Variants in STAU1 observed in about 807,000 individuals in gnomAD.
STAU1 encodes the protein staufen double-stranded RNA binding protein 1, also known as double-stranded RNA-binding protein Staufen homolog 1.
Under a neutral mutation model 62.9 loss-of-function variants are expected in STAU1, and 13 were observed. The observed-to-expected ratio is 0.21, with a 90% confidence interval of 0.13 to 0.33. The LOEUF is 0.33. STAU1 is among the 10% of genes least tolerant of loss of function. The probability of loss-of-function intolerance (pLI) is 1.00; values close to 1 mark genes in which losing one functional copy is unlikely to be tolerated. For missense variants in STAU1, 571 were observed against 712.1 expected, an observed-to-expected ratio of 0.80 and a Z score of 2.25; for synonymous variants, 269 against 265.1, an observed-to-expected ratio of 1.01 and a Z score of -0.14.
chr20:49,203,557 G>C, the STAU1 span, among the ~76,000 whole-genome samples: 2 of 152,264 alleles, frequency 1.3e-5, no homozygotes, highest in Admixed American at 1.3e-4. Context: ...GTGACGATTC[G>C]AGAGGAAAGC....
the STAU1 span, among the ~76,000 whole-genome samples, chr20:49,211,921 C>G: frequency 1.1e-4 from 17 of 152,362 alleles, 1 homozygote; most frequent in South Asian, 8.3e-4. Context: ...TCCACACCAG[C>G]TAACCATTTT....
chr20:49,123,624 C>T (rs996716673), intron 7 of STAU1, among the ~76,000 whole-genome samples: 10 of 152,116 alleles, frequency 6.6e-5, no homozygotes, highest in African/African-American at 2.4e-4. Flanking sequence ...ATCCAGGAAC[C>T]ACTTTTTTAA....
At chr20:49,174,885 G>A (rs535092197) in intron 1 of STAU1, among the ~76,000 whole-genome samples, 253 of 145,878 alleles carry the variant, frequency 1.7e-3, no homozygotes, top group African/African-American at 6.3e-3. Context: ...AGTGAGCAGA[G>A]ATCGCACCAC....
At chr20:49,126,864 G>C (rs1391667997) in intron 6 of STAU1, among the ~76,000 whole-genome samples, 1 of 150,926 alleles carries the variant, frequency 6.6e-6, no homozygotes, top group Admixed American at 6.6e-5. Flanking sequence ...CATGGAGCGG[G>C]GTGGGGGGAA....
chr20:49,120,081 C>G lies in STAU1; in HGVS notation c.1014G>C (p.Lys338Asn). Residue 338 changes from lysine to asparagine, a missense_variant, in exon 9 of 14, where the codon AAG becomes AAC. This residue lies in a region of STAU1 where 414 missense variants were observed against 499.6 expected (regional missense o/e 0.83). Transcript: ENST00000371856. ...TCTCGGCTGCATTGCGCTTGGCCAC[C>G]TTCTTGTTGGTGCCCGTTCCTTCTG... ...HTAEGTGTNK[K>N]VAKRNAAENM... 1 of 1,614,188 alleles carries G rather than the reference C, an allele frequency of 6.2e-7. No individual in the cohort carries two copies. The highest frequency in any genetic ancestry group is 8.5e-7 in the Non-Finnish European group (1 of 1,180,028).
upstream of STAU1, among the ~76,000 whole-genome samples, chr20:49,188,541 G>C (rs1156254991): frequency 1.3e-5 from 2 of 152,026 alleles, no homozygotes; most frequent in African/African-American, 2.4e-5. Context: ...CGCCTGGACC[G>C]CAGCGGCCCG....
intron 7 of STAU1, 26 bp from the exon 8 acceptor site, chr20:49,123,261 CTG>C (rs2092510089): frequency 6.2e-7 from 1 of 1,614,142 alleles, no homozygotes. Flanking sequence ...GGCAGAAACT[CTG>C]TAATGTTATT....
At chr20:49,155,369 T>C (rs1198449208) in intron 3 of STAU1, among the ~76,000 whole-genome samples, 4 of 152,320 alleles carry the variant, frequency 2.6e-5, no homozygotes, top group African/African-American at 9.6e-5. Flanking sequence ...CTTCAGAAAA[T>C]ACATGCTATT....
upstream of STAU1, among the ~76,000 whole-genome samples, chr20:49,191,188 C>G (rs2093830805): frequency 6.6e-6 from 1 of 151,948 alleles, no homozygotes; most frequent in African/African-American, 2.4e-5. Context: ...CCACCATGCC[C>G]TGTAATTTTT....
Position 49,153,710 on chromosome 20 carries a change from C to CAAAAAAAAAAAAAA in STAU1, c.344+209_344+222dup, listed in dbSNP as rs145558067. 4.4e-4 allele frequency among the ~76,000 whole-genome samples: 30 copies of CAAAAAAAAAAAAAA among 67,580 alleles called. 1 individual carries two copies. Among genetic ancestry groups the CAAAAAAAAAAAAAA allele is most frequent in the Middle Eastern group, 7.7e-3 (1 of 130 alleles). The allele number at this position is 67,580 out of a possible 152,430, so 44.3% of individuals were successfully genotyped here. On this transcript the variant is annotated intron_variant, in intron 4 of 13. Coordinates refer to ENST00000371856, the MANE Select transcript of STAU1 (RefSeq NM_017453.4). ...TGGGTGACAGAGCAAGACTCTGTCTCAAAAAAAAAAAAAAAAAAAAAAAAA... is the reference window on the plus strand; with the variant it reads ...TGGGTGACAGAGCAAGACTCTGTCTCAAAAAAAAAAAAAAAAAAAAAAAAAAAAAAAAAAAAAAA...
intron 5 of STAU1, 125 bp from the exon 6 acceptor site, chr20:49,136,056 C>CT: frequency 3.0e-6 from 2 of 674,340 alleles, no homozygotes; most frequent in Non-Finnish European, 5.0e-6. Context: ...GCCCAGGAGT[C>CT]TGAGACCAGC....
chr20:49,180,515 G>A (rs2093712231), intron 1 of STAU1, among the ~76,000 whole-genome samples: 2 of 152,046 alleles, frequency 1.3e-5, no homozygotes, highest in Admixed American at 6.6e-5. Flanking sequence ...GTAGAGATGG[G>A]GTTTCACCAT....
chr20:49,179,545 C>A (rs2093699357), intron 1 of STAU1, among the ~76,000 whole-genome samples: 1 of 152,168 alleles, frequency 6.6e-6, no homozygotes, highest in African/African-American at 2.4e-5. Context: ...AATAAGCTTC[C>A]AAGCATAATG....
intron 5 of STAU1, among the ~76,000 whole-genome samples, chr20:49,138,441 G>T (rs910562412): frequency 6.6e-6 from 1 of 152,014 alleles, no homozygotes; most frequent in Admixed American, 6.6e-5. Flanking sequence ...TGGTTTCAGT[G>T]TATCTCACCT....
At chr20:49,191,161 G>A (rs2093830756), upstream of STAU1, among the ~76,000 whole-genome samples, 4 of 151,916 alleles carry the variant, frequency 2.6e-5, 1 homozygote, top group South Asian at 8.3e-4. Flanking sequence ...CCGAGTAGCT[G>A]AGACTACAGG....
chr20:49,181,908 A>G (rs140350152), intron 1 of STAU1, among the ~76,000 whole-genome samples: 1 of 152,284 alleles, frequency 6.6e-6, no homozygotes, highest in African/African-American at 2.4e-5. Flanking sequence ...GGGAGACATG[A>G]CACAAAATTT....
the STAU1 span, among the ~76,000 whole-genome samples, chr20:49,196,841 T>C: frequency 1.3e-5 from 2 of 149,202 alleles, no homozygotes; most frequent in Admixed American, 6.7e-5. Context: ...GAAGCACAGT[T>C]TGTAATAACA....
chr20:49,182,721 C>T (rs971784091), intron 1 of STAU1, among the ~76,000 whole-genome samples: 2 of 152,026 alleles, frequency 1.3e-5, no homozygotes, highest in African/African-American at 2.4e-5. Flanking sequence ...CACCTGTAGT[C>T]CCAGCTACTC....
chr20:49,183,060 C>T (rs1040575305), intron 1 of STAU1, among the ~76,000 whole-genome samples: 9 of 152,044 alleles, frequency 5.9e-5, no homozygotes, highest in Admixed American at 5.9e-4. Context: ...TTTGGAACAG[C>T]ACAAATGGTA....
Sources: gnomAD v4.1 joint callset for allele counts (sites outside exome capture counted in the v4.1 genomes callset) on GRCh38, gnomAD v4.1.1 for gene constraint, gnomAD v4.1.1 regional missense constraint, MANE v1.5 for transcripts, NCBI Gene and HGNC (gene_info 2026-07-23, HGNC 2026-07-21) for gene names.